PPM1D: variants seen among roughly 807,000 people sequenced by gnomAD.
PPM1D encodes the protein protein phosphatase 1D.
PPM1D carries 52 observed loss-of-function variants against 58.3 expected under a neutral mutation model. The ratio of observed to expected loss-of-function variants is 0.89; its 90% confidence interval spans 0.71 to 1.12. The LOEUF (loss-of-function observed/expected upper bound fraction) is 1.12. Among genes scored for constraint, PPM1D ranks in the 50% most tolerant of loss-of-function variants. The probability of loss-of-function intolerance (pLI) is 0.00; values close to 1 mark genes in which losing one functional copy is unlikely to be tolerated. For missense variants in PPM1D, 564 were observed against 777.2 expected, an observed-to-expected ratio of 0.73 and a Z score of 3.26; for synonymous variants, 278 against 285.1, an observed-to-expected ratio of 0.98 and a Z score of 0.25.
chr17:60,634,258 A>T (rs2030981692), intron 3 of PPM1D, among the ~76,000 whole-genome samples: 1 of 152,186 alleles, frequency 6.6e-6, no homozygotes, highest in Non-Finnish European at 1.5e-5. Context: ...TAAAAAATAC[A>T]AAAATTAGCT....
chr17:60,635,901 C>A (rs1192631821), intron 3 of PPM1D, among the ~76,000 whole-genome samples: 3 of 152,186 alleles, frequency 2.0e-5, no homozygotes, highest in African/African-American at 7.2e-5. Context: ...GTACACAGTT[C>A]CTCCGGCTCA....
chr17:60,624,865 C>G (rs1475567085), intron 2 of PPM1D, among the ~76,000 whole-genome samples: 1 of 151,932 alleles, frequency 6.6e-6, no homozygotes, highest in African/African-American at 2.4e-5. Context: ...TGAGGCTGGG[C>G]GCAGTGGCTC....
chr17:60,625,074 A>G (rs1598404173), intron 2 of PPM1D, among the ~76,000 whole-genome samples: 1 of 151,988 alleles, frequency 6.6e-6, no homozygotes, highest in Admixed American at 6.6e-5. Context: ...CCCAGGAGGC[A>G]GAGGTTGCAG....
At position 60,648,091 on chromosome 17, in the gene PPM1D, T is replaced by C. The variant is rs1274923623; in HGVS notation, c.1017+9T>C. Reference sequence around the variant, plus strand: ...AGAAAAAATACCTGATGGTGAGATGTGATTGAATAACTTGATATTGTTGTC... The same window carrying C: ...AGAAAAAATACCTGATGGTGAGATGCGATTGAATAACTTGATATTGTTGTC... On this transcript the variant is annotated intron_variant, in intron 4 of 5. Transcript: ENST00000305921. 1 of 1,598,510 alleles carries C rather than the reference T, an allele frequency of 6.3e-7. No individual in the cohort carries two copies. Among genetic ancestry groups the C allele is most frequent in the Admixed American group, 1.8e-5 (1 of 56,810 alleles).
At chr17:60,639,854 G>A (rs2031100265) in intron 3 of PPM1D, among the ~76,000 whole-genome samples, 1 of 152,212 alleles carries the variant, frequency 6.6e-6, no homozygotes. Context: ...GGAGGTTAAG[G>A]AGGAAGAAAG....
intron 5 of PPM1D, among the ~76,000 whole-genome samples, chr17:60,658,148 T>C (rs1265736828): frequency 6.6e-6 from 1 of 152,242 alleles, no homozygotes; most frequent in Admixed American, 6.5e-5. Context: ...AGCTTATGTT[T>C]GTATATTTGC....
At chr17:60,635,915 A>G (rs2031014953) in intron 3 of PPM1D, among the ~76,000 whole-genome samples, 1 of 151,940 alleles carries the variant, frequency 6.6e-6, no homozygotes, top group South Asian at 2.1e-4. Flanking sequence ...CGGCTCAGGA[A>G]CCCGGGGTGA....
chr17:60,658,999 A>C (rs1567978314), intron 5 of PPM1D, among the ~76,000 whole-genome samples: 5 of 152,158 alleles, frequency 3.3e-5, no homozygotes, highest in Admixed American at 6.5e-5. Context: ...TGACCTAATA[A>C]TACTACTAAA....
At chr17:60,658,770 T>C (rs2031482377) in intron 5 of PPM1D, among the ~76,000 whole-genome samples, 2 of 151,944 alleles carry the variant, frequency 1.3e-5, no homozygotes, top group African/African-American at 2.4e-5. Context: ...GAGACTATCT[T>C]AGCCAACATG....
intron 1 of PPM1D, among the ~76,000 whole-genome samples, chr17:60,619,491 A>G (rs2030654254): frequency 6.6e-6 from 1 of 152,140 alleles, no homozygotes; most frequent in African/African-American, 2.4e-5. Context: ...GCCAATTTAC[A>G]TTTCTATCAG....
intron 3 of PPM1D, among the ~76,000 whole-genome samples, chr17:60,645,570 ATGTATATATATATGTG>A (rs1567974728): frequency 7.3e-6 from 1 of 137,086 alleles, no homozygotes; most frequent in Non-Finnish European, 1.5e-5. Context: ...GTGTATATAT[ATGTATATATATATGTG>A]TGTATATATA....
Position 60,656,853 on chromosome 17 carries a change from C to T in PPM1D, c.1260+12C>T, listed in dbSNP as rs2031450234. On this transcript the variant is annotated intron_variant, in intron 5 of 5. Coordinates refer to ENST00000305921, the MANE Select transcript of PPM1D (RefSeq NM_003620.4). ...CACCACCAGTCAAGGTATATAGTTC[C>T]ATAGTTTTTAAGTTATGTTTTAATA... The T allele has an allele frequency of 2.5e-6, 4 of 1,613,482 alleles. No individual in the cohort carries two copies. Among genetic ancestry groups the T allele is most frequent in the Non-Finnish European group, 3.4e-6 (4 of 1,179,838 alleles).
rs572875385 is a variant in PPM1D at position 60,648,097 on chromosome 17, A to C, written c.1017+15A>C. On this transcript the variant is annotated intron_variant, in intron 4 of 5. Transcript: ENST00000305921. ...AATACCTGATGGTGAGATGTGATTG[A>C]ATAACTTGATATTGTTGTCTAAACA... 25 of 1,595,264 alleles carry C rather than the reference A, an allele frequency of 1.6e-5. 1 individual carries two copies. The East Asian group carries it at 5.4e-4, about 34-fold the overall frequency.
Position 60,645,548 on chromosome 17 carries a change from A to ATATATATGTGTATATATATG in PPM1D, c.827-2333_827-2332insATATATATGTATATATGTGT, listed in dbSNP as rs1567974695. Among the ~76,000 whole-genome samples the ATATATATGTGTATATATATG allele has an allele frequency of 1.7e-3, 215 of 127,372 alleles. 3 individuals are homozygous for ATATATATGTGTATATATATG. The highest frequency in any genetic ancestry group is 8.1e-3 in the African/African-American group (205 of 25,284). The allele number at this position is 127,372 out of a possible 152,430, so 83.6% of individuals were successfully genotyped here. A position where few individuals can be genotyped will look rare whatever the true frequency, so the allele number is the denominator to read the frequency against. The stretch of plus-strand genomic sequence containing the variant: ...TATATATATATGTGTATATATATGT[A>ATATATATGTGTATATATATG]TATATATGTGTGTGTATATATATGT... On this transcript the variant is annotated intron_variant, in intron 3 of 5. Coordinates refer to ENST00000305921, the MANE Select transcript of PPM1D (RefSeq NM_003620.4).
At chr17:60,653,552 TAAAG>T (rs1285330743) in intron 4 of PPM1D, among the ~76,000 whole-genome samples, 2 of 152,176 alleles carry the variant, frequency 1.3e-5, no homozygotes, top group East Asian at 1.9e-4. Flanking sequence ...ATTCTGAGCT[TAAAG>T]AAAAAATTAT....
At chr17:60,648,779 A>T (rs1188922415) in intron 4 of PPM1D, among the ~76,000 whole-genome samples, 10 of 102,810 alleles carry the variant, frequency 9.7e-5, no homozygotes, top group East Asian at 2.8e-4. Flanking sequence ...TTTTTTTCTG[A>T]CTGTCTCAGT....
At chr17:60,626,387 T>G (rs565166600) in intron 2 of PPM1D, among the ~76,000 whole-genome samples, 126 of 151,814 alleles carry the variant, frequency 8.3e-4, no homozygotes, top group African/African-American at 2.9e-3. Context: ...TGTGTTTTTT[T>G]GGGGTTTTTT....
intron 3 of PPM1D, among the ~76,000 whole-genome samples, chr17:60,645,128 C>T (rs1216786100): frequency 6.6e-6 from 1 of 152,068 alleles, no homozygotes; most frequent in Non-Finnish European, 1.5e-5. Context: ...CCTAGGTGTA[C>T]AGATCACCTG....
chr17:60,645,091 C>T (rs951011108), intron 3 of PPM1D, among the ~76,000 whole-genome samples: 3 of 152,158 alleles, frequency 2.0e-5, no homozygotes, highest in African/African-American at 7.2e-5. Context: ...TGGTGTCTAA[C>T]GCCTGTAATC....
Sources: allele counts gnomAD v4.1 joint callset (sites outside exome capture counted in the v4.1 genomes callset), GRCh38; gene constraint gnomAD v4.1.1; transcripts MANE v1.5; gene names NCBI Gene and HGNC (gene_info 2026-07-23, HGNC 2026-07-21).